The following PHRF1 variants were observed in gnomAD, a reference collection of about 807,000 sequenced individuals.
PHRF1 encodes the protein PHD and ring finger domains 1.
In PHRF1, 53 loss-of-function variants were observed where a neutral mutation model predicts 128.9. The observed-to-expected ratio is 0.41, with a 90% CI of 0.33 to 0.52. The LOEUF (loss-of-function observed/expected upper bound fraction) is 0.52. PHRF1 is among the 20% of genes least tolerant of loss of function. The pLI is 0.21. For missense variants in PHRF1, 2,503 were observed against 2,284.5 expected (o/e 1.10, Z -1.95); for synonymous variants, 1,178 against 980.6 (o/e 1.20, Z -3.76).
intron 5 of PHRF1, among the ~76,000 whole-genome samples, chr11:591,955 G>T (rs1854997035): frequency 7.5e-6 from 1 of 132,910 alleles, no homozygotes; most frequent in African/African-American, 2.8e-5. Context: ...TCGCTCTTTT[G>T]CCCAGGCTGG....
At position 609,131 on chromosome 11, in the gene PHRF1, A is replaced by C; in HGVS notation, c.3675A>C (p.Glu1225Asp). The C allele has an allele frequency of 6.2e-7, 1 of 1,606,360 alleles. No individual in the cohort carries two copies. The highest frequency in any genetic ancestry group is 8.5e-7 in the Non-Finnish European group (1 of 1,178,380). ...CCACCAGGTTGCCAGCCTTGGGGGA[A>C]GCACATGTCTCGCCGGAGGTGGCTA... Reference protein sequence around the residue: ...DLPTRLPALGEAHVSPEVATA... With the variant: ...DLPTRLPALGDAHVSPEVATA... Residue 1225 changes from glutamate to aspartate, a missense_variant, in exon 14 of 18, where the codon GAA becomes GAC. Glu to Asp is a conservative substitution (Grantham distance 45). Transcript: ENST00000264555.
At chr11:609,748 G>C in intron 14 of PHRF1, 28 bp downstream of exon 14, 1 of 1,401,452 alleles carries the variant, frequency 7.1e-7, no homozygotes, top group Non-Finnish European at 9.4e-7. Context: ...CCCCACCGAG[G>C]ACAGAGCCCC....
At chr11:603,633 G>T (rs1057030983) in intron 10 of PHRF1, among the ~76,000 whole-genome samples, 6 of 150,396 alleles carry the variant, frequency 4.0e-5, no homozygotes, top group African/African-American at 1.5e-4. Flanking sequence ...CAAGTCTGCT[G>T]CATCTTTATG....
chr11:605,657 G>T lies in PHRF1; in HGVS notation c.1387G>T (p.Ala463Ser). ...PLSPLSAKRR[A>S]LSRSALQSHQ... ...TTCCCCTCTGAGTGCCAAGAGACGGGCTCTGTCCCGGTCAGCCCTGCAGTC... is the reference window on the plus strand; with the variant it reads ...TTCCCCTCTGAGTGCCAAGAGACGGTCTCTGTCCCGGTCAGCCCTGCAGTC... The change falls in exon 12 of 18, where the codon GCT becomes TCT. Residue 463 changes from alanine (A) to serine (S), a missense_variant. By Grantham distance (99) the Ala-to-Ser change is moderately conservative. Transcript: ENST00000264555. 4.3e-6 allele frequency: 7 copies of T among 1,613,620 alleles called. No homozygotes were observed. Among genetic ancestry groups the T allele is most frequent in the Non-Finnish European group, 5.9e-6 (7 of 1,179,888 alleles).
chr11:608,783 G>T lies in PHRF1; in HGVS notation c.3327G>T (p.Lys1109Asn). 1 of 1,611,924 alleles carries T rather than the reference G, an allele frequency of 6.2e-7. No individual in the cohort carries two copies. Among genetic ancestry groups the T allele is most frequent in the African/African-American group, 1.3e-5 (1 of 75,034 alleles). ...SSYEHYESRK[K>N]KKRRSASRPR... ...ATGAGCACTATGAGAGTAGGAAGAAGAAGAAAAGGAGATCAGCGTCCAGAC... is the reference window on the plus strand; with the variant it reads ...ATGAGCACTATGAGAGTAGGAAGAATAAGAAAAGGAGATCAGCGTCCAGAC... Residue 1109 changes from lysine (K) to asparagine (N), a missense_variant, in exon 14 of 18, where the codon AAG (lysine) becomes AAT (asparagine). Coordinates refer to ENST00000264555, the MANE Select transcript of PHRF1 (RefSeq NM_001286581.2).
chr11:605,008 C>G, intron 10 of PHRF1, 111 bp from the exon 11 acceptor site: 2 of 1,111,556 alleles, frequency 1.8e-6, no homozygotes, highest in Non-Finnish European at 2.5e-6. Flanking sequence ...TTAGTATTTT[C>G]CGGCTCTAGT....
chr11:600,232 T>C (rs969136101), intron 9 of PHRF1, among the ~76,000 whole-genome samples: 1 of 151,486 alleles, frequency 6.6e-6, no homozygotes, highest in Non-Finnish European at 1.5e-5. Flanking sequence ...CTCTCCCCGA[T>C]AGGAACACAT....
chr11:578,348 G>A (rs185917857), intron 1 of PHRF1, among the ~76,000 whole-genome samples: 1 of 152,338 alleles, frequency 6.6e-6, no homozygotes, highest in East Asian at 1.9e-4. Context: ...CTGCTGTGGT[G>A]GAGGAGTGTA....
At chr11:605,377 C>G (rs1855882584) in intron 11 of PHRF1, 77 bp downstream of exon 11, 1 of 1,549,006 alleles carries the variant, frequency 6.5e-7, no homozygotes, top group Non-Finnish European at 8.8e-7. Context: ...CCCCGAGGTG[C>G]ATGCGGAGGC....
Position 607,694 on chromosome 11 carries a change from C to A in PHRF1, c.2238C>A (p.Gly746=). The A allele has an allele frequency of 6.2e-7, 1 of 1,610,192 alleles. No individual in the cohort carries two copies. The highest frequency in any genetic ancestry group is 8.5e-7 in the Non-Finnish European group (1 of 1,178,252). ...CCCGGGAGCCCGGGGTGCACACGGG[C>A]AGCTCCCGGCCCCCAGCCCCCAGCT... The part of the protein sequence containing the change: ...RVPREPGVHT[G]SSRPPAPSSH... The change falls in exon 14 of 18, where the codon GGC becomes GGA. Residue 746 remains glycine (G), a synonymous_variant. Coordinates refer to ENST00000264555, the MANE Select transcript of PHRF1 (RefSeq NM_001286581.2).
At chr11:578,157 C>T (rs1853995416) in intron 1 of PHRF1, among the ~76,000 whole-genome samples, 7 of 152,208 alleles carry the variant, frequency 4.6e-5, no homozygotes, top group Admixed American at 4.6e-4. Flanking sequence ...CCCATTAACC[C>T]AGCATCCTAA....
At chr11:581,014 G>T (rs1219639729) in intron 1 of PHRF1, among the ~76,000 whole-genome samples, 2 of 151,484 alleles carry the variant, frequency 1.3e-5, no homozygotes, top group African/African-American at 2.4e-5. Context: ...AGTAGAGATG[G>T]GGTTTCTCCA....
At chr11:588,980 A>C (rs1854758466) in intron 4 of PHRF1, among the ~76,000 whole-genome samples, 1 of 152,020 alleles carries the variant, frequency 6.6e-6, no homozygotes, top group South Asian at 2.1e-4. Flanking sequence ...TACTAAAAAT[A>C]CAAAAATTAT....
At chr11:580,479 T>G (rs752854606) in intron 1 of PHRF1, among the ~76,000 whole-genome samples, 4 of 152,160 alleles carry the variant, frequency 2.6e-5, no homozygotes, top group Admixed American at 6.5e-5. Context: ...TCCTCAGCTC[T>G]GGGTACCACT....
At chr11:603,724 AGTTT>A (rs1183321350) in intron 10 of PHRF1, among the ~76,000 whole-genome samples, 2,737 of 129,448 alleles carry the variant, frequency 0.021, 114 homozygotes, top group African/African-American at 0.078. Context: ...ACCATATTTA[AGTTT>A]GTTTTTTTTT....
At chr11:600,907 A>C (rs940114133) in intron 9 of PHRF1, among the ~76,000 whole-genome samples, 1 of 152,172 alleles carries the variant, frequency 6.6e-6, no homozygotes, top group Non-Finnish European at 1.5e-5. Context: ...CAGAGATTGC[A>C]GTGAGCTGAG....
At position 601,672 on chromosome 11, in the gene PHRF1, G is replaced by A. The variant is rs1308030033; in HGVS notation, c.1123G>A (p.Val375Met). ...AAGATCTAAGAAACGCCAACATCGAGTGAAGAAGAGAAGAGGGAAGAAGGT... is the reference window on the plus strand; with the variant it reads ...AAGATCTAAGAAACGCCAACATCGAATGAAGAAGAGAAGAGGGAAGAAGGT... ...ATRSKKRQHR[V>M]KKRRGKKVKS... The change falls in exon 10 of 18, where the codon GTG becomes ATG. Residue 375 changes from valine (V) to methionine (M), a missense_variant. Val to Met is a conservative substitution (Grantham distance 21, BLOSUM62 1). Transcript: ENST00000264555. 6.8e-6 allele frequency: 11 copies of A among 1,613,728 alleles called. No individual in the cohort carries two copies. The Admixed American group carries it at 1.7e-4, about 24-fold the overall frequency.
intron 3 of PHRF1, among the ~76,000 whole-genome samples, chr11:584,722 C>T (rs1195181292): frequency 2.0e-5 from 3 of 149,746 alleles, no homozygotes; most frequent in African/African-American, 7.4e-5. Context: ...TTTTATTTCT[C>T]CAGGACCTTT....
intron 3 of PHRF1, among the ~76,000 whole-genome samples, chr11:584,699 T>G (rs1345273258): frequency 6.7e-6 from 1 of 150,362 alleles, no homozygotes; most frequent in African/African-American, 2.4e-5. Flanking sequence ...GTATAGCCAC[T>G]GTGAACACTT....
Sources: allele counts gnomAD v4.1 joint callset (sites outside exome capture counted in the v4.1 genomes callset), GRCh38; gene constraint gnomAD v4.1.1; transcripts MANE v1.5; gene names NCBI Gene and HGNC (gene_info 2026-07-23, HGNC 2026-07-21).